The following CR1L variants were observed in gnomAD, a reference collection of about 807,000 sequenced individuals.
CR1L encodes the protein complement C3b/C4b receptor 1 like, also known as complement component receptor 1-like protein.
A neutral mutation model predicts 62.3 loss-of-function variants in CR1L; 59 were observed. That is an observed-to-expected ratio of 0.95 (90% CI 0.77 to 1.18). The LOEUF is 1.18. Ranked by LOEUF, CR1L falls within the 50% of genes most tolerant of loss-of-function variation. The pLI is 0.00. For synonymous variants in CR1L, 279 were observed against 248.7 expected (o/e 1.12, Z -1.15); for missense variants, 700 against 702.8 (o/e 1.00, Z 0.04).
chr1:207,720,981 G>C (rs1367711477), intron 11 of CR1L, among the ~76,000 whole-genome samples: 1 of 151,884 alleles, frequency 6.6e-6, no homozygotes, highest in Non-Finnish European at 1.5e-5. Flanking sequence ...TTCACAAGAA[G>C]TCTCCATGCC....
chr1:207,669,743 C>A (rs1416195469), intron 1 of CR1L, among the ~76,000 whole-genome samples: 1 of 151,360 alleles, frequency 6.6e-6, no homozygotes, highest in Non-Finnish European at 1.5e-5. Context: ...CTTCTGCGCA[C>A]TGGAGACCCT....
intron 1 of CR1L, chr1:207,657,457 C>A: frequency 1.9e-6 from 1 of 518,698 alleles, no homozygotes; most frequent in Admixed American, 3.5e-5. Flanking sequence ...TAATACAGGT[C>A]AATTCAAGCC....
At chr1:207,678,640 C>T (rs1037224358) in intron 3 of CR1L, among the ~76,000 whole-genome samples, 3 of 152,200 alleles carry the variant, frequency 2.0e-5, no homozygotes, top group African/African-American at 7.2e-5. Flanking sequence ...CATTGAGCAG[C>T]TGTGTGAGAG....
chr1:207,645,436 G>C, intron 1 of CR1L, 106 bp downstream of exon 1: 1 of 1,290,632 alleles, frequency 7.7e-7, no homozygotes, highest in Non-Finnish European at 1.1e-6. Context: ...GTGCCTGCTT[G>C]GGATAGAGAG....
At chr1:207,703,177 A>G (rs902883898) in intron 9 of CR1L, among the ~76,000 whole-genome samples, 2 of 152,318 alleles carry the variant, frequency 1.3e-5, no homozygotes, top group African/African-American at 4.8e-5. Context: ...TCATTGATGA[A>G]GGTGTTAAAA....
chr1:207,721,211 C>CT (rs1654129539), intron 11 of CR1L, among the ~76,000 whole-genome samples: 1 of 151,600 alleles, frequency 6.6e-6, no homozygotes, highest in Non-Finnish European at 1.5e-5. Flanking sequence ...TTTTATTATA[C>CT]TTTAAGTTTT....
intron 9 of CR1L, among the ~76,000 whole-genome samples, chr1:207,702,659 A>G (rs1558023241): frequency 6.6e-6 from 1 of 152,230 alleles, no homozygotes; most frequent in African/African-American, 2.4e-5. Flanking sequence ...GCTGATATGG[A>G]AGAAGTTTTA....
In CR1L at chr1:207,699,162, G is replaced by T. The variant is rs41313728; in HGVS notation, c.1143-27G>T. ...AGTGTCCTCTTGGCTGAAACAGCTC[G>T]CTATTCACTCCTATTTTCTTCTTTA... On this transcript the variant is annotated intron_variant, in intron 7 of 11. Coordinates refer to ENST00000508064, the MANE Select transcript of CR1L (RefSeq NM_175710.2). 23 of 1,612,722 alleles carry T rather than the reference G, an allele frequency of 1.4e-5. No homozygotes were observed. In the Admixed American group the frequency reaches 3.8e-4, roughly 27 times the overall value.
At chr1:207,700,463 G>C (rs1433783116) in intron 8 of CR1L, among the ~76,000 whole-genome samples, 1 of 152,162 alleles carries the variant, frequency 6.6e-6, no homozygotes, top group Non-Finnish European at 1.5e-5. Flanking sequence ...ATGAGGAAGA[G>C]ACTATTATAA....
chr1:207,645,766 C>T (rs1663113015), intron 1 of CR1L, among the ~76,000 whole-genome samples: 1 of 152,086 alleles, frequency 6.6e-6, no homozygotes, highest in South Asian at 2.1e-4. Flanking sequence ...GTAGGGTGTT[C>T]ATTAGGGCTT....
Position 207,711,267 on chromosome 1 carries a change from G to A in CR1L, c.1414+3004G>A, listed in dbSNP as rs190472046. On this transcript the variant is annotated intron_variant, in intron 10 of 11. Coordinates refer to ENST00000508064, the MANE Select transcript of CR1L (RefSeq NM_175710.2). ...GCAGATACATAGGGACAGAGAAAGA[G>A]CTTACAATTCTTCTACCAACCCATG... The A allele has an allele frequency of 2.2e-4, 39 of 179,312 alleles. No homozygotes were observed. The East Asian group carries it at 5.5e-3, about 25-fold the overall frequency. The allele number at this position is 179,312 out of a possible 1,614,324, so 11.1% of individuals were successfully genotyped here.
At chr1:207,678,331 G>A (rs1350203193) in intron 3 of CR1L, 34 bp downstream of exon 3, 15 of 1,565,892 alleles carry the variant, frequency 9.6e-6, no homozygotes, top group Middle Eastern at 3.3e-4. Context: ...ACATCTCTTG[G>A]TTCAAGGGTT....
chr1:207,657,758 G>T (rs1663338578), intron 1 of CR1L, among the ~76,000 whole-genome samples: 1 of 152,162 alleles, frequency 6.6e-6, no homozygotes, highest in South Asian at 2.1e-4. Flanking sequence ...AAAGACCAGA[G>T]TGACCAAAAG....
intron 1 of CR1L, among the ~76,000 whole-genome samples, chr1:207,673,116 C>CA (rs1262345372): frequency 1.3e-5 from 2 of 152,016 alleles, no homozygotes; most frequent in African/African-American, 4.8e-5. Flanking sequence ...TTGATGAAAC[C>CA]AAAAAATCTA....
chr1:207,701,172 G>A (rs562374247), intron 8 of CR1L, among the ~76,000 whole-genome samples: 1 of 152,270 alleles, frequency 6.6e-6, no homozygotes, highest in South Asian at 2.1e-4. Flanking sequence ...AGATTGTGTA[G>A]GAAGACAAAT....
intron 9 of CR1L, among the ~76,000 whole-genome samples, chr1:207,706,812 A>G (rs1418538441): frequency 6.6e-6 from 1 of 152,204 alleles, no homozygotes; most frequent in African/African-American, 2.4e-5. Flanking sequence ...ATGAATTCCT[A>G]AAGAAATCTC....
At chr1:207,722,217 T>C (rs1032584259) in intron 11 of CR1L, among the ~76,000 whole-genome samples, 1 of 111,494 alleles carries the variant, frequency 9.0e-6, no homozygotes, top group African/African-American at 3.1e-5. Context: ...TTTGTCAATT[T>C]TGTCTTTTGT....
At chr1:207,713,994 G>T (rs188698893) in intron 10 of CR1L, among the ~76,000 whole-genome samples, 68 of 152,292 alleles carry the variant, frequency 4.5e-4, no homozygotes, top group African/African-American at 1.6e-3. Flanking sequence ...CCTAGGAGAC[G>T]GCAAAGAGCC....
chr1:207,707,390 G>A (rs1664283325), intron 9 of CR1L, among the ~76,000 whole-genome samples: 1 of 152,220 alleles, frequency 6.6e-6, no homozygotes, highest in Non-Finnish European at 1.5e-5. Flanking sequence ...CACTTTGGGA[G>A]GCCGAGGTGG....
Sources: allele counts gnomAD v4.1 joint callset (sites outside exome capture counted in the v4.1 genomes callset), GRCh38; gene constraint gnomAD v4.1.1; transcripts MANE v1.5; gene names NCBI Gene and HGNC (gene_info 2026-07-23, HGNC 2026-07-21).